Variants in CTNND2 observed in about 807,000 individuals in gnomAD.
CTNND2 encodes catenin delta 2.
CTNND2 carries 22 observed loss-of-function variants against 144.4 expected under a neutral mutation model. That is an observed-to-expected ratio of 0.15 (90% confidence interval 0.11 to 0.22). The LOEUF (loss-of-function observed/expected upper bound fraction) is 0.22, where lower values mean the gene tolerates loss of function less well. Ranked by LOEUF, CTNND2 falls within the 10% of genes least tolerant of loss-of-function variation. CTNND2 has a pLI of 1.00. For missense variants in CTNND2, 1,353 were observed against 1,618.8 expected, an observed-to-expected ratio of 0.84 and a Z score of 2.82; for synonymous variants, 751 against 695.6, an observed-to-expected ratio of 1.08 and a Z score of -1.25.
At chr5:11,889,041 C>T (rs888340639) in intron 1 of CTNND2, among the ~76,000 whole-genome samples, 5 of 152,162 alleles carry the variant, frequency 3.3e-5, no homozygotes, top group East Asian at 1.9e-4. Flanking sequence ...TGAGTCACCA[C>T]GCCCAGCCCC....
chr5:11,284,686 C>T (rs542564597), intron 9 of CTNND2, among the ~76,000 whole-genome samples: 1 of 152,264 alleles, frequency 6.6e-6, no homozygotes, highest in Admixed American at 6.5e-5. Flanking sequence ...GGGTTGATTC[C>T]ATGTCTTTGC....
intron 9 of CTNND2, among the ~76,000 whole-genome samples, chr5:11,274,953 T>C (rs971503994): frequency 2.6e-5 from 4 of 152,288 alleles, no homozygotes; most frequent in Middle Eastern, 3.4e-3. Context: ...AATCTGGGAC[T>C]TAACTGGTAC....
chr5:11,800,495 A>C (rs1481736903), intron 1 of CTNND2, among the ~76,000 whole-genome samples: 2 of 152,156 alleles, frequency 1.3e-5, no homozygotes, highest in Admixed American at 1.3e-4. Flanking sequence ...AATAAACAGA[A>C]ACTGACTAGC....
intron 2 of CTNND2, among the ~76,000 whole-genome samples, chr5:11,637,344 A>C (rs935687089): frequency 7.9e-5 from 12 of 152,336 alleles, no homozygotes; most frequent in African/African-American, 2.6e-4. Flanking sequence ...CCCTTTAAAA[A>C]ATAAGTACAT....
chr5:11,126,958 G>A (rs766741466), intron 12 of CTNND2, among the ~76,000 whole-genome samples: 16 of 152,272 alleles, frequency 1.1e-4, no homozygotes, highest in Non-Finnish European at 1.8e-4. Flanking sequence ...AGATGCAAAG[G>A]GCAAGGCTTA....
intron 1 of CTNND2, among the ~76,000 whole-genome samples, chr5:11,824,520 C>T (rs948495976): frequency 2.0e-5 from 3 of 152,122 alleles, no homozygotes; most frequent in Non-Finnish European, 4.4e-5. Context: ...AGGGTAGAAG[C>T]AAAAGCAATC....
At chr5:11,000,440 G>A (rs1739828627) in intron 18 of CTNND2, among the ~76,000 whole-genome samples, 1 of 152,182 alleles carries the variant, frequency 6.6e-6, no homozygotes, top group South Asian at 2.1e-4. Context: ...AGAATCGCTT[G>A]AAACCGTAAG....
intron 1 of CTNND2, among the ~76,000 whole-genome samples, chr5:11,769,386 G>C (rs904651616): frequency 3.3e-5 from 5 of 152,246 alleles, no homozygotes; most frequent in Non-Finnish European, 1.5e-5. Context: ...TCAGCAGAAG[G>C]CAATCATTTC....
intron 16 of CTNND2, among the ~76,000 whole-genome samples, chr5:11,075,850 C>T (rs575277011): frequency 2.8e-4 from 43 of 152,372 alleles, no homozygotes; most frequent in African/African-American, 9.9e-4. Context: ...TTATTTCTTT[C>T]CTCTGTTCTC....
At chr5:11,791,295 T>C (rs897585709) in intron 1 of CTNND2, among the ~76,000 whole-genome samples, 11 of 152,136 alleles carry the variant, frequency 7.2e-5, no homozygotes, top group Admixed American at 5.9e-4. Flanking sequence ...GGGCAGGGGG[T>C]ATCTCATGGA....
intron 2 of CTNND2, among the ~76,000 whole-genome samples, chr5:11,631,798 C>T (rs1781429219): frequency 6.6e-6 from 1 of 152,158 alleles, no homozygotes; most frequent in African/African-American, 2.4e-5. Context: ...GCTTGCTCCT[C>T]AGGAGAAGAT....
chr5:11,890,803 C>T (rs1045853328), intron 1 of CTNND2, among the ~76,000 whole-genome samples: 4 of 152,228 alleles, frequency 2.6e-5, no homozygotes, highest in Admixed American at 6.5e-5. Context: ...GAAACACTTG[C>T]TTTCGCAGGA....
chr5:10,996,973 G>T (rs570610240), intron 18 of CTNND2, among the ~76,000 whole-genome samples: 2 of 152,162 alleles, frequency 1.3e-5, no homozygotes, highest in South Asian at 4.2e-4. Flanking sequence ...GGAATATATG[G>T]GGGATAACTG....
intron 3 of CTNND2, among the ~76,000 whole-genome samples, chr5:11,523,163 G>A (rs1444940454): frequency 6.6e-6 from 1 of 152,080 alleles, no homozygotes; most frequent in Non-Finnish European, 1.5e-5. Flanking sequence ...TATAATTATG[G>A]AGGAAACGAT....
At chr5:11,376,143 C>T (rs565743125) in intron 7 of CTNND2, among the ~76,000 whole-genome samples, 1 of 152,092 alleles carries the variant, frequency 6.6e-6, no homozygotes, top group Non-Finnish European at 1.5e-5. Flanking sequence ...TTTGGACTTT[C>T]CAGCCTCCAG....
chr5:11,140,265 C>T (rs1395560074), intron 12 of CTNND2, among the ~76,000 whole-genome samples: 1 of 152,184 alleles, frequency 6.6e-6, no homozygotes, highest in East Asian at 1.9e-4. Flanking sequence ...CTCCTTCAAC[C>T]TGTCCAGGGC....
At chr5:10,977,041 C>T (rs537740881) in intron 21 of CTNND2, among the ~76,000 whole-genome samples, 99 of 152,352 alleles carry the variant, frequency 6.5e-4, no homozygotes, top group Middle Eastern at 6.8e-3. Flanking sequence ...TGTGCTTTAA[C>T]AGCCCTTTGG....
intron 2 of CTNND2, 149 bp from the exon 3 acceptor site, chr5:11,565,205 T>C (rs1776981667): frequency 1.5e-6 from 1 of 645,780 alleles, no homozygotes; most frequent in African/African-American, 1.8e-5. Flanking sequence ...ATTCGAAGGT[T>C]AGACAGGCTT....
chr5:11,577,493 G>T lies in CTNND2; in HGVS notation c.175-12437C>A, dbSNP rs528191140. 3.9e-5 allele frequency among the ~76,000 whole-genome samples: 6 copies of T among 152,306 alleles called. No individual in the cohort carries two copies. The East Asian group carries it at 1.2e-3, about 29-fold the overall frequency. On this transcript the variant is annotated intron_variant, in intron 2 of 21. Coordinates refer to ENST00000304623, the MANE Select transcript of CTNND2 (RefSeq NM_001332.4). ...ACAAGGAGGGCAACGTCACATGCAGGAACTAGTATTTGAGACGGACAATGG... is the reference window on the plus strand; with the variant it reads ...ACAAGGAGGGCAACGTCACATGCAGTAACTAGTATTTGAGACGGACAATGG...
Sources: allele counts gnomAD v4.1 joint callset (sites outside exome capture counted in the v4.1 genomes callset), GRCh38; gene constraint gnomAD v4.1.1; transcripts MANE v1.5; gene names NCBI Gene and HGNC (gene_info 2026-07-23, HGNC 2026-07-21).